The following B4GALT6 variants were observed in gnomAD, a reference collection of about 807,000 sequenced individuals.
The protein encoded by B4GALT6 is beta-1,4-galactosyltransferase 6, also known as UDP-Gal:beta-GlcNAc beta-1,4-galactosyltransferase 6.
Under a neutral mutation model 46.3 loss-of-function variants are expected in B4GALT6, and 14 were observed. That is an observed-to-expected ratio of 0.30 (90% CI 0.20 to 0.47). The LOEUF (loss-of-function observed/expected upper bound fraction) is 0.47. B4GALT6 is among the 20% of genes least tolerant of loss of function. B4GALT6 has a pLI of 0.99. For synonymous variants in B4GALT6, 168 were observed against 162.0 expected (o/e 1.04, Z -0.28); for missense variants, 386 against 480.1 (o/e 0.80, Z 1.83).
intron 3 of B4GALT6, among the ~76,000 whole-genome samples, chr18:31,651,319 C>G (rs77324620): frequency 0.027 from 4,178 of 152,192 alleles, 195 homozygotes; most frequent in African/African-American, 0.095. Flanking sequence ...GGTGGCAATA[C>G]CTAACATATT....
intron 1 of B4GALT6, among the ~76,000 whole-genome samples, chr18:31,676,571 T>C (rs2074417388): frequency 6.6e-6 from 1 of 152,156 alleles, no homozygotes; most frequent in African/African-American, 2.4e-5. Flanking sequence ...AATGTATCCG[T>C]CCATTTCTCT....
At chr18:31,664,668 T>G (rs947530634) in intron 2 of B4GALT6, among the ~76,000 whole-genome samples, 30 of 152,144 alleles carry the variant, frequency 2.0e-4, no homozygotes, top group African/African-American at 5.8e-4. Context: ...GCACAAATTT[T>G]TAGCACTCAC....
At chr18:31,636,954 G>T (rs1213707827) in intron 5 of B4GALT6, among the ~76,000 whole-genome samples, 2 of 152,178 alleles carry the variant, frequency 1.3e-5, no homozygotes, top group African/African-American at 4.8e-5. Flanking sequence ...CCAAGTAGCT[G>T]GGATTACAGG....
At chr18:31,709,603 GTA>G in the B4GALT6 span, among the ~76,000 whole-genome samples, 399 of 135,508 alleles carry the variant, frequency 2.9e-3, 1 homozygote, top group Middle Eastern at 7.4e-3. Context: ...GTGTGTGTGT[GTA>G]TATATATATC....
At chr18:31,641,787 G>A (rs1267690239) in intron 4 of B4GALT6, among the ~76,000 whole-genome samples, 3 of 152,126 alleles carry the variant, frequency 2.0e-5, no homozygotes, top group Non-Finnish European at 4.4e-5. Context: ...CACAAATCTT[G>A]CTGAACATAT....
chr18:31,701,298 C>G, the B4GALT6 span, among the ~76,000 whole-genome samples: 6 of 152,206 alleles, frequency 3.9e-5, no homozygotes, highest in Admixed American at 3.9e-4. Context: ...CTCTCTCTTG[C>G]TCCTGCTCTG....
the B4GALT6 span, chr18:31,724,474 C>A: frequency 9.9e-7 from 1 of 1,012,364 alleles, no homozygotes; most frequent in Non-Finnish European, 1.2e-6. Context: ...CCCGGGCAGA[C>A]CCGGGAGAGC....
chr18:31,705,994 T>A, the B4GALT6 span, among the ~76,000 whole-genome samples: 1 of 152,228 alleles, frequency 6.6e-6, no homozygotes, highest in African/African-American at 2.4e-5. Context: ...TTCTTCTACA[T>A]TGGAATGAGA....
chr18:31,666,396 A>G, intron 1 of B4GALT6, 24 bp from the exon 2 acceptor site: 1 of 1,233,374 alleles, frequency 8.1e-7, no homozygotes, highest in South Asian at 1.4e-5. Context: ...ATAGAGAAAG[A>G]ATGTCATAAC....
At chr18:31,685,426 C>T (rs1174275632), upstream of B4GALT6, among the ~76,000 whole-genome samples, 1 of 151,396 alleles carries the variant, frequency 6.6e-6, no homozygotes, top group East Asian at 2.0e-4. Flanking sequence ...CCGGCGGGAA[C>T]GTCTCGAGAC....
chr18:31,688,306 G>A (rs1246611346), upstream of B4GALT6, among the ~76,000 whole-genome samples: 1 of 137,560 alleles, frequency 7.3e-6, no homozygotes, highest in African/African-American at 3.1e-5. Context: ...AAATGTTGTG[G>A]TACAGATACT....
At chr18:31,675,396 A>G (rs893878964) in intron 1 of B4GALT6, among the ~76,000 whole-genome samples, 11 of 152,234 alleles carry the variant, frequency 7.2e-5, no homozygotes, top group African/African-American at 2.7e-4. Context: ...AGATCCTGCA[A>G]AGGCACAAAC....
upstream of B4GALT6, chr18:31,686,520 A>G (rs1046624308): frequency 6.6e-5 from 10 of 152,348 alleles, no homozygotes; most frequent in African/African-American, 2.4e-4. Flanking sequence ...CTTATATCCC[A>G]TTAGTTCACT....
chr18:31,643,084 T>C (rs559451784), intron 4 of B4GALT6, among the ~76,000 whole-genome samples: 1 of 152,306 alleles, frequency 6.6e-6, no homozygotes, highest in Non-Finnish European at 1.5e-5. Flanking sequence ...AATGGAACAT[T>C]ATCAGTAAGC....
intron 2 of B4GALT6, among the ~76,000 whole-genome samples, chr18:31,664,553 G>A (rs1162962797): frequency 6.7e-6 from 1 of 149,818 alleles, no homozygotes; most frequent in African/African-American, 2.5e-5. Flanking sequence ...TTGGTTGCAG[G>A]ATACTATGGG....
chr18:31,699,167 A>G, the B4GALT6 span, among the ~76,000 whole-genome samples: 2 of 152,064 alleles, frequency 1.3e-5, no homozygotes, highest in Admixed American at 6.5e-5. Context: ...GAATTCTACA[A>G]TAATTTTCAG....
intron 3 of B4GALT6, among the ~76,000 whole-genome samples, chr18:31,653,512 G>A (rs540778664): frequency 1.4e-5 from 2 of 143,590 alleles, no homozygotes; most frequent in African/African-American, 2.6e-5. Context: ...GTGCGATCTC[G>A]GCTCACTGCA....
At chr18:31,687,939 T>G (rs1053944430), upstream of B4GALT6, among the ~76,000 whole-genome samples, 2 of 152,134 alleles carry the variant, frequency 1.3e-5, no homozygotes, top group Non-Finnish European at 2.9e-5. Context: ...AATTTGCTTG[T>G]GAGCATGGTA....
chr18:31,641,809 T>C (rs1256746865), intron 4 of B4GALT6, among the ~76,000 whole-genome samples: 2 of 152,240 alleles, frequency 1.3e-5, no homozygotes, highest in African/African-American at 4.8e-5. Flanking sequence ...CACCATTTTT[T>C]CCCTTGCTTA....
Sources: allele counts gnomAD v4.1 joint callset (sites outside exome capture counted in the v4.1 genomes callset), GRCh38; gene constraint gnomAD v4.1.1; transcripts MANE v1.5; gene names NCBI Gene and HGNC (gene_info 2026-07-23, HGNC 2026-07-21).